Variants in JAZF1 observed in about 807,000 individuals in gnomAD.
JAZF1 encodes JAZF zinc finger 1.
Under a neutral mutation model 26.4 loss-of-function variants are expected in JAZF1, and 8 were observed. That is an observed-to-expected ratio of 0.30 (90% CI 0.18 to 0.55). JAZF1 has a LOEUF of 0.55. JAZF1 is among the 20% of genes least tolerant of loss of function. JAZF1 has a pLI of 0.94. For missense variants in JAZF1, 199 were observed against 322.0 expected, an observed-to-expected ratio of 0.62 and a Z score of 2.92; for synonymous variants, 126 against 122.3, an observed-to-expected ratio of 1.03 and a Z score of -0.20.
chr7:28,162,232 C>T (rs1783304092), intron 1 of JAZF1, among the ~76,000 whole-genome samples: 1 of 152,208 alleles, frequency 6.6e-6, no homozygotes, highest in South Asian at 2.1e-4. Context: ...ATACATGCCC[C>T]AGTGCCTTTG....
Position 27,840,701 on chromosome 7 carries a change from G to A in JAZF1, c.552C>T (p.Tyr184=), listed in dbSNP as rs1782906559. The change falls in exon 4 of 5, where the codon TAC becomes TAT. Residue 184 remains tyrosine (Y), a synonymous_variant. Transcript: ENST00000283928. The surrounding 1 kb of genome is among the most constrained non-coding windows in gnomAD (Gnocchi z 5.1). ...AAGCATGCAGCACCTCTGTTACCTT[G>A]TATCTCTTTTTACATCCAGGAACTG... ...ACPVPGCKKR[Y]KNVNGIKYHA... is the part of the protein sequence containing the mutation. 1 of 1,614,014 alleles carries A rather than the reference G, an allele frequency of 6.2e-7. No homozygotes were observed. Among genetic ancestry groups the A allele is most frequent in the African/African-American group, 1.3e-5 (1 of 75,020 alleles).
chr7:28,020,980 C>T (rs528968968), intron 1 of JAZF1, among the ~76,000 whole-genome samples: 7 of 152,264 alleles, frequency 4.6e-5, no homozygotes, highest in East Asian at 3.9e-4. Context: ...AACCATACCC[C>T]GGAGCTACTC....
chr7:28,103,069 A>G (rs572872464), intron 1 of JAZF1, among the ~76,000 whole-genome samples: 4 of 152,258 alleles, frequency 2.6e-5, no homozygotes, highest in African/African-American at 9.6e-5. Context: ...AACACTTGCT[A>G]GGGATGACCA....
intron 3 of JAZF1, among the ~76,000 whole-genome samples, chr7:27,859,427 A>G (rs1028658598): frequency 1.0e-4 from 16 of 152,386 alleles, no homozygotes; most frequent in Middle Eastern, 3.4e-3. Flanking sequence ...ATGCACATGT[A>G]TGTTTACTGC....
intron 2 of JAZF1, among the ~76,000 whole-genome samples, chr7:27,915,470 A>G (rs186311863): frequency 4.5e-4 from 69 of 152,298 alleles, no homozygotes; most frequent in Admixed American, 3.9e-3. Context: ...GCATAATTTG[A>G]TCGCTAGCAC....
intron 3 of JAZF1, among the ~76,000 whole-genome samples, chr7:27,852,085 A>T (rs1783161818): frequency 6.7e-6 from 1 of 148,638 alleles, no homozygotes; most frequent in African/African-American, 2.5e-5. Flanking sequence ...CCTTGCCTAG[A>T]CTCCTAGGTT....
chr7:28,179,639 G>C (rs1372621384), intron 1 of JAZF1, among the ~76,000 whole-genome samples: 1 of 150,114 alleles, frequency 6.7e-6, no homozygotes, highest in African/African-American at 2.4e-5. Flanking sequence ...CGCGGCCCGC[G>C]GGCGCACCCA....
chr7:27,855,788 AGAGGATCTG>A (rs1210085386), intron 3 of JAZF1, among the ~76,000 whole-genome samples: 1 of 152,214 alleles, frequency 6.6e-6, no homozygotes, highest in African/African-American at 2.4e-5. Flanking sequence ...ACAGGTACAA[AGAGGATCTG>A]GTACCATTCC....
chr7:28,092,325 A>C (rs950704951), intron 1 of JAZF1, among the ~76,000 whole-genome samples: 4 of 136,012 alleles, frequency 2.9e-5, no homozygotes, highest in East Asian at 6.3e-4. Flanking sequence ...AAAAAAAAAA[A>C]ACAACTAATG....
chr7:28,006,636 C>T (rs1207022747), intron 1 of JAZF1, among the ~76,000 whole-genome samples: 1 of 152,164 alleles, frequency 6.6e-6, no homozygotes, highest in African/African-American at 2.4e-5. Context: ...TCCTGACCCA[C>T]CCCACTTCCC....
chr7:28,071,379 TAC>T (rs1179690043), intron 1 of JAZF1, among the ~76,000 whole-genome samples: 2 of 152,228 alleles, frequency 1.3e-5, no homozygotes, highest in African/African-American at 4.8e-5. Context: ...AGCAGGCGTC[TAC>T]AGTTTAGTGG....
intron 1 of JAZF1, among the ~76,000 whole-genome samples, chr7:28,123,185 T>C (rs776916505): frequency 2.6e-5 from 4 of 152,140 alleles, no homozygotes; most frequent in East Asian, 1.9e-4. Context: ...CCTGTGCACA[T>C]GCAGTTTGCT....
At chr7:28,103,503 A>C (rs979435006) in intron 1 of JAZF1, among the ~76,000 whole-genome samples, 4 of 152,118 alleles carry the variant, frequency 2.6e-5, no homozygotes, top group African/African-American at 7.2e-5. Flanking sequence ...TTTGGCATCC[A>C]ACAGGCATCG....
intron 2 of JAZF1, among the ~76,000 whole-genome samples, chr7:27,899,584 C>A (rs1038926446): frequency 2.6e-5 from 4 of 151,972 alleles, no homozygotes; most frequent in Non-Finnish European, 5.9e-5. Context: ...ACAGGCACGC[C>A]CCCCCATGCC....
chr7:28,010,176 C>T (rs1782775251), intron 1 of JAZF1, among the ~76,000 whole-genome samples: 1 of 152,178 alleles, frequency 6.6e-6, no homozygotes, highest in African/African-American at 2.4e-5. Flanking sequence ...CTGTTTTACA[C>T]AGTCTCTCTT....
chr7:28,070,662 C>T (rs1403804394), intron 1 of JAZF1, among the ~76,000 whole-genome samples: 2 of 152,326 alleles, frequency 1.3e-5, no homozygotes, highest in African/African-American at 2.4e-5. Flanking sequence ...TCCCTCCAAG[C>T]CCTGCAATGT....
intron 2 of JAZF1, among the ~76,000 whole-genome samples, chr7:27,935,187 CAG>C (rs971138193): frequency 6.6e-6 from 1 of 152,088 alleles, no homozygotes; most frequent in Non-Finnish European, 1.5e-5. Context: ...TATAATCAAA[CAG>C]ACAATAATAA....
At position 28,065,363 on chromosome 7, in the gene JAZF1, G is replaced by C. The variant is rs533361494; in HGVS notation, c.116-73382C>G. On this transcript the variant is annotated intron_variant, in intron 1 of 4. Transcript: ENST00000283928. ...AGAACAATCAGACAGCGAGGTGAGG[G>C]AATGGAAGAAACACAGTGAAAACCT... Among the ~76,000 whole-genome samples the C allele has an allele frequency of 3.3e-5, 5 of 152,198 alleles. No individual in the cohort carries two copies. In the East Asian group the frequency reaches 9.7e-4, roughly 29 times the overall value.
Position 27,884,057 on chromosome 7 carries a change from T to C in JAZF1, c.385+11163A>G, listed in dbSNP as rs188864229. On this transcript the variant is annotated intron_variant, in intron 3 of 4. Coordinates refer to ENST00000283928, the MANE Select transcript of JAZF1 (RefSeq NM_175061.4). ...TGCTAGTTCAAAGAGTGACTGGAAG[T>C]TGTGGACTCCTGTTCTTCATTCCTG... is the stretch of plus-strand genomic sequence containing the variant. Among the ~76,000 whole-genome samples the C allele has an allele frequency of 7.9e-4, 121 of 152,372 alleles. No homozygotes were observed. The Middle Eastern group carries it at 0.017, about 21-fold the overall frequency.
Sources: allele counts gnomAD v4.1 joint callset (sites outside exome capture counted in the v4.1 genomes callset), GRCh38; gene constraint gnomAD v4.1.1; non-coding constraint Gnocchi (gnomAD v3.1); transcripts MANE v1.5; gene names NCBI Gene and HGNC (gene_info 2026-07-23, HGNC 2026-07-21).